The following SUCLG2 variants were observed in gnomAD, a reference collection of about 807,000 sequenced individuals.
SUCLG2 encodes succinate-CoA ligase GDP-forming subunit beta, also known as succinate--CoA ligase [GDP-forming] subunit beta, mitochondrial.
A neutral mutation model predicts 47.9 loss-of-function variants in SUCLG2; 42 were observed. The observed-to-expected ratio is 0.88, with a 90% CI of 0.69 to 1.14. The LOEUF (loss-of-function observed/expected upper bound fraction) is 1.14, where lower values mean the gene tolerates loss of function less well. Among genes scored for constraint, SUCLG2 ranks in the 50% most tolerant of loss-of-function variants. The pLI, the probability that SUCLG2 is intolerant of heterozygous loss-of-function variation, is 0.00. For synonymous variants in SUCLG2, 195 were observed against 197.3 expected, an observed-to-expected ratio of 0.99 and a Z score of 0.10; for missense variants, 571 against 525.9, an observed-to-expected ratio of 1.09 and a Z score of -0.84.
At chr3:67,519,516 T>C (rs1424906920) in intron 5 of SUCLG2, among the ~76,000 whole-genome samples, 1 of 152,228 alleles carries the variant, frequency 6.6e-6, no homozygotes, top group African/African-American at 2.4e-5. Context: ...CTATGTATGG[T>C]AACATTGGTT....
intron 9 of SUCLG2, among the ~76,000 whole-genome samples, chr3:67,450,438 T>G: frequency 6.6e-6 from 1 of 152,322 alleles, no homozygotes; most frequent in South Asian, 2.1e-4. Context: ...ACCAAGAGAC[T>G]TTCTTGAGAT....
chr3:67,499,000 G>A lies in SUCLG2; in HGVS notation c.758-705C>T, dbSNP rs74445345. Among the ~76,000 whole-genome samples the A allele has an allele frequency of 6.4e-4, 98 of 152,294 alleles. 2 individuals are homozygous for A. In the East Asian group the frequency reaches 0.019, roughly 29 times the overall value. ...ATACATGGGTTCTGCAAGGCCAACTGCAGGAATTGTGCAATATGAACGAAG... is the reference window on the plus strand; with the variant it reads ...ATACATGGGTTCTGCAAGGCCAACTACAGGAATTGTGCAATATGAACGAAG... On this transcript the variant is annotated intron_variant, in intron 7 of 10. Coordinates refer to ENST00000307227, the MANE Select transcript of SUCLG2 (RefSeq NM_003848.4).
At chr3:67,602,529 G>C (rs367564986) in intron 2 of SUCLG2, among the ~76,000 whole-genome samples, 28 of 152,102 alleles carry the variant, frequency 1.8e-4, no homozygotes, top group East Asian at 1.3e-3. Context: ...GAGATGACCA[G>C]AGAAGACCAT....
chr3:67,381,160 G>T (rs1702149543), intron 10 of SUCLG2, among the ~76,000 whole-genome samples: 1 of 151,400 alleles, frequency 6.6e-6, no homozygotes, highest in Admixed American at 6.6e-5. Context: ...CTGGGCAACA[G>T]AGTGAGACCC....
intron 10 of SUCLG2, among the ~76,000 whole-genome samples, chr3:67,392,959 C>A (rs887269357): frequency 2.2e-4 from 34 of 152,046 alleles, no homozygotes; most frequent in Admixed American, 5.9e-4. Flanking sequence ...GGACTAGAGG[C>A]ATGCATCACT....
chr3:67,578,954 A>T (rs1311528422), intron 2 of SUCLG2, among the ~76,000 whole-genome samples: 1 of 152,174 alleles, frequency 6.6e-6, no homozygotes, highest in Non-Finnish European at 1.5e-5. Flanking sequence ...GCTCTCTAAG[A>T]AGATCCAGGA....
At chr3:67,620,584 C>CAAAAAAAAAAAAAAAAAAAA (rs71109890) in intron 1 of SUCLG2, among the ~76,000 whole-genome samples, 3 of 63,512 alleles carry the variant, frequency 4.7e-5, no homozygotes, top group African/African-American at 1.2e-4. Context: ...GACTCCATCT[C>CAAAAAAAAAAAAAAAAAAAA]AAAAAAAAAA....
intron 10 of SUCLG2, among the ~76,000 whole-genome samples, chr3:67,383,171 C>T (rs111323444): frequency 0.039 from 5,874 of 152,244 alleles, 363 homozygotes; most frequent in African/African-American, 0.13. Context: ...TGGCCTCAGT[C>T]GAGATACTGA....
At chr3:67,412,440 C>A (rs1158540687) in intron 9 of SUCLG2, among the ~76,000 whole-genome samples, 2 of 152,132 alleles carry the variant, frequency 1.3e-5, no homozygotes, top group African/African-American at 4.8e-5. Context: ...AGCTGTGCTG[C>A]AGAATTGTCA....
At chr3:67,510,680 T>C (rs575854930) in intron 6 of SUCLG2, among the ~76,000 whole-genome samples, 19 of 152,188 alleles carry the variant, frequency 1.2e-4, no homozygotes, top group Non-Finnish European at 2.2e-4. Flanking sequence ...AATAATATCT[T>C]ACTGTATTGA....
At chr3:67,495,730 A>G (rs1033135758) in intron 9 of SUCLG2, 68 bp downstream of exon 9, 8 of 1,588,582 alleles carry the variant, frequency 5.0e-6, no homozygotes, top group African/African-American at 1.3e-5. Context: ...CACCAGGAAG[A>G]ACAAGTGAGC....
intron 9 of SUCLG2, among the ~76,000 whole-genome samples, chr3:67,480,041 GT>G (rs1328577831): frequency 6.6e-6 from 1 of 152,114 alleles, no homozygotes; most frequent in Non-Finnish European, 1.5e-5. Flanking sequence ...AATATAAGGG[GT>G]TATAAAGCGT....
At chr3:67,609,371 A>C in intron 2 of SUCLG2, 84 bp downstream of exon 2, 1 of 1,443,600 alleles carries the variant, frequency 6.9e-7, no homozygotes, top group Non-Finnish European at 9.4e-7. Context: ...AATCCACAAC[A>C]AAAAAAATTA....
At chr3:67,654,127 T>G (rs918399197) in intron 1 of SUCLG2, among the ~76,000 whole-genome samples, 1 of 152,172 alleles carries the variant, frequency 6.6e-6, no homozygotes, top group Non-Finnish European at 1.5e-5. Context: ...GCCAGAAGTT[T>G]GAAAAGCAGA....
intron 7 of SUCLG2, among the ~76,000 whole-genome samples, chr3:67,500,573 T>G (rs1338717827): frequency 6.6e-6 from 1 of 152,330 alleles, no homozygotes; most frequent in South Asian, 2.1e-4. Flanking sequence ...ACCAAACGAA[T>G]TGGCCAATGT....
In SUCLG2 at chr3:67,620,584, C is replaced by CAAA. The variant is rs71109890; in HGVS notation, c.85-10991_85-10989dup. The stretch of plus-strand genomic sequence containing the variant: ...TGGGTGACACAGTGAGACTCCATCT[C>CAAA]AAAAAAAAAAAAAAAAAAAGAAAGA... On this transcript the variant is annotated intron_variant, in intron 1 of 10. Coordinates refer to ENST00000307227, the MANE Select transcript of SUCLG2 (RefSeq NM_003848.4). Among the ~76,000 whole-genome samples the CAAA allele has an allele frequency of 7.2e-3, 460 of 63,466 alleles. 19 individuals are homozygous for CAAA. The highest frequency in any genetic ancestry group is 0.026 in the African/African-American group (430 of 16,278). 41.6% of individuals were successfully genotyped at this position (63,466 alleles called of 152,430 possible). A position where few individuals can be genotyped will look rare whatever the true frequency, so the allele number is the denominator to read the frequency against.
chr3:67,648,961 A>G (rs891302816), intron 1 of SUCLG2, among the ~76,000 whole-genome samples: 1 of 152,184 alleles, frequency 6.6e-6, no homozygotes, highest in East Asian at 1.9e-4. Flanking sequence ...TTAAACTTGT[A>G]GGAGAGCGGG....
intron 10 of SUCLG2, among the ~76,000 whole-genome samples, chr3:67,393,421 A>G (rs1702442369): frequency 6.6e-6 from 1 of 152,230 alleles, no homozygotes; most frequent in African/African-American, 2.4e-5. Context: ...ACTGATTGCT[A>G]GCACAGCAGT....
chr3:67,639,122 TA>T lies in SUCLG2; in HGVS notation c.84+15380del, dbSNP rs770025488. On this transcript the variant is annotated intron_variant, in intron 1 of 10. Coordinates refer to ENST00000307227, the MANE Select transcript of SUCLG2 (RefSeq NM_003848.4). The stretch of plus-strand genomic sequence containing the variant: ...CGGATAATAGTTCCTGGCATGTTTT[TA>T]AAGAAAGCTCTGTCAAGGCTTTCTT... Among the ~76,000 whole-genome samples the T allele has an allele frequency of 3.5e-4, 54 of 152,324 alleles. 1 individual carries two copies. Among genetic ancestry groups the T allele is most frequent in the Middle Eastern group, 3.4e-3 (1 of 294 alleles).
Sources: gnomAD v4.1 joint callset for allele counts (sites outside exome capture counted in the v4.1 genomes callset) on GRCh38, gnomAD v4.1.1 for gene constraint, MANE v1.5 for transcripts, NCBI Gene and HGNC (gene_info 2026-07-23, HGNC 2026-07-21) for gene names.